EML1: variants seen among roughly 807,000 people sequenced by gnomAD.
EML1 encodes EMAP like 1.
A neutral mutation model predicts 110.4 loss-of-function variants in EML1; 27 were observed. The observed-to-expected ratio is 0.24, with a 90% CI of 0.18 to 0.34. The LOEUF (loss-of-function observed/expected upper bound fraction) is 0.34, where lower values mean the gene tolerates loss of function less well. Among genes scored for constraint, EML1 ranks in the 10% least tolerant of loss-of-function variants. The pLI, the probability that EML1 is intolerant of heterozygous loss-of-function variation, is 1.00. For missense variants in EML1, 741 were observed against 1,030.9 expected (o/e 0.72, Z 3.85); for synonymous variants, 344 against 385.8 (o/e 0.89, Z 1.27).
At chr14:99,807,351 C>G (rs2057995249) in intron 1 of EML1, among the ~76,000 whole-genome samples, 1 of 152,246 alleles carries the variant, frequency 6.6e-6, no homozygotes, top group African/African-American at 2.4e-5. Context: ...TCAGTTTCCT[C>G]AGCTCTAACA....
intron 3 of EML1, among the ~76,000 whole-genome samples, chr14:99,870,492 G>T (rs2059179253): frequency 6.6e-6 from 1 of 152,216 alleles, no homozygotes; most frequent in Admixed American, 6.5e-5. Context: ...CATTTTCAAT[G>T]TAGATGAAAC....
intron 1 of EML1, among the ~76,000 whole-genome samples, chr14:99,744,442 C>T (rs1177262774): frequency 6.6e-6 from 1 of 152,158 alleles, no homozygotes; most frequent in African/African-American, 2.4e-5. Flanking sequence ...TACAGCAAGC[C>T]ACATGGGCAC....
chr14:99,906,622 C>T (rs55880273), intron 9 of EML1, among the ~76,000 whole-genome samples: 27,784 of 152,110 alleles, frequency 0.18, 2,948 homozygotes, highest in East Asian at 0.43. Context: ...TTGTGCCAAC[C>T]TCCTATCTCA....
At chr14:99,800,386 C>A (rs2057852931) in intron 1 of EML1, among the ~76,000 whole-genome samples, 1 of 151,642 alleles carries the variant, frequency 6.6e-6, no homozygotes. Flanking sequence ...TATTTAGAGT[C>A]AGGGTCTCAC....
At chr14:99,887,221 G>A (rs886660229) in intron 4 of EML1, among the ~76,000 whole-genome samples, 3 of 152,184 alleles carry the variant, frequency 2.0e-5, no homozygotes, top group Non-Finnish European at 4.4e-5. Context: ...TCTTATATCA[G>A]CTCTCGAACC....
rs373134835 is a variant in EML1 at position 99,836,262 on chromosome 14, A to G, written c.68-14591A>G. Among the ~76,000 whole-genome samples the G allele has an allele frequency of 6.6e-5, 10 of 152,310 alleles. No homozygotes were observed. The East Asian group carries it at 1.4e-3, about 21-fold the overall frequency. On this transcript the variant is annotated intron_variant, in intron 1 of 21. Transcript: ENST00000262233. ...CCTGTAAATATTTTGGTAGATGTAT[A>G]TGCACCTATTTCATTTCTGGTACTA...
chr14:99,929,832 G>C (rs912384696), intron 17 of EML1, among the ~76,000 whole-genome samples: 3 of 152,200 alleles, frequency 2.0e-5, no homozygotes, highest in African/African-American at 7.2e-5. Flanking sequence ...AGCACCCTGC[G>C]CTGCCATGTG....
chr14:99,838,925 G>GTT (rs2058587651), intron 1 of EML1: 1 of 142,988 alleles, frequency 7.0e-6, no homozygotes, highest in African/African-American at 2.5e-5. Flanking sequence ...GCGCGTGTGT[G>GTT]TGTGTGCGCG....
chr14:99,747,420 T>C lies in EML1; in HGVS notation c.28+9560T>C, dbSNP rs2057124255. On this transcript the variant is annotated intron_variant, in intron 1 of 10. Coordinates refer to the EML1 transcript ENST00000554479. ...TTTGGGGAATGGCAGCTGTCTGGCC[T>C]GATGGGGGGCAGGGGTCTGAGGGGG... is the stretch of plus-strand genomic sequence containing the variant. Among the ~76,000 whole-genome samples the C allele has an allele frequency of 2.7e-5, 4 of 150,774 alleles. No individual in the cohort carries two copies. The South Asian group carries it at 8.4e-4, about 32-fold the overall frequency.
chr14:99,765,724 C>T (rs537263497), intron 1 of EML1, among the ~76,000 whole-genome samples: 7 of 152,128 alleles, frequency 4.6e-5, no homozygotes, highest in African/African-American at 1.4e-4. Context: ...CATGCCTCAG[C>T]CTCTCGAGTA....
chr14:99,843,821 C>G (rs2139811079), intron 1 of EML1, among the ~76,000 whole-genome samples: 1 of 152,294 alleles, frequency 6.6e-6, no homozygotes, highest in South Asian at 2.1e-4. Flanking sequence ...GACCCAGCGT[C>G]CTACACAATG....
At chr14:99,894,512 A>G in intron 5 of EML1, 117 bp from the exon 6 acceptor site, 2 of 1,220,280 alleles carry the variant, frequency 1.6e-6, no homozygotes, top group South Asian at 2.7e-5. Flanking sequence ...TATCAATTAG[A>G]ATGACAGAAG....
At chr14:99,782,964 C>G (rs1242227712) in intron 1 of EML1, among the ~76,000 whole-genome samples, 2 of 151,564 alleles carry the variant, frequency 1.3e-5, no homozygotes, top group Non-Finnish European at 2.9e-5. Context: ...TCAATGCACA[C>G]TATGGAAAGA....
At chr14:99,839,845 G>C (rs2058604940) in intron 1 of EML1, among the ~76,000 whole-genome samples, 1 of 152,184 alleles carries the variant, frequency 6.6e-6, no homozygotes, top group Non-Finnish European at 1.5e-5. Flanking sequence ...CCAGCTTGGA[G>C]GTGAGCAGGA....
At chr14:99,777,524 A>T (rs1457265728) in intron 1 of EML1, among the ~76,000 whole-genome samples, 1 of 152,100 alleles carries the variant, frequency 6.6e-6, no homozygotes, top group Non-Finnish European at 1.5e-5. Context: ...GGTTCAAGTG[A>T]TTCTCCTGCC....
chr14:99,853,528 G>A (rs993086808), intron 2 of EML1, among the ~76,000 whole-genome samples: 1 of 152,200 alleles, frequency 6.6e-6, no homozygotes, highest in Non-Finnish European at 1.5e-5. Flanking sequence ...GCTCTCTGTG[G>A]TCATGGTTGG....
At chr14:99,906,730 C>G (rs2059853603) in intron 9 of EML1, 1 of 152,310 alleles carries the variant, frequency 6.6e-6, no homozygotes, top group Non-Finnish European at 1.5e-5. Context: ...TGCTCTGATT[C>G]AAATGCCTCT....
intron 1 of EML1, among the ~76,000 whole-genome samples, chr14:99,812,846 C>T (rs191739006): frequency 5.5e-4 from 83 of 152,268 alleles, no homozygotes; most frequent in Admixed American, 2.5e-3. Flanking sequence ...AACATTCTTA[C>T]GTGGTTTTAA....
intron 1 of EML1, among the ~76,000 whole-genome samples, chr14:99,751,835 C>A (rs1444482890): frequency 6.6e-6 from 1 of 152,110 alleles, no homozygotes; most frequent in African/African-American, 2.4e-5. Context: ...TGGGAAGACC[C>A]ACAGGGGTCT....
Sources: gnomAD v4.1 joint callset for allele counts (sites outside exome capture counted in the v4.1 genomes callset) on GRCh38, gnomAD v4.1.1 for gene constraint, MANE v1.5 for transcripts, NCBI Gene and HGNC (gene_info 2026-07-23, HGNC 2026-07-21) for gene names.